The following SUGCT variants were observed in gnomAD, a reference collection of about 807,000 sequenced individuals.
The protein encoded by SUGCT is succinyl-CoA:glutarate-CoA transferase, also known as succinyl-CoA:glutarate CoA-transferase.
A neutral mutation model predicts 55.0 loss-of-function variants in SUGCT; 41 were observed. The ratio of observed to expected loss-of-function variants is 0.74; its 90% confidence interval spans 0.58 to 0.97. The LOEUF (loss-of-function observed/expected upper bound fraction) is 0.97, where lower values mean the gene tolerates loss of function less well. Among genes scored for constraint, SUGCT ranks in the 50% least tolerant of loss-of-function variants. The pLI, the probability that SUGCT is intolerant of heterozygous loss-of-function variation, is 0.00. For missense variants in SUGCT, 568 were observed against 547.8 expected (o/e 1.04, Z -0.37); for synonymous variants, 187 against 200.4 (o/e 0.93, Z 0.56).
At chr7:40,566,845 A>G (rs1005025805) in intron 12 of SUGCT, among the ~76,000 whole-genome samples, 1 of 152,178 alleles carries the variant, frequency 6.6e-6, no homozygotes, top group Non-Finnish European at 1.5e-5. Context: ...TCTATAGTTT[A>G]TTTTTAAAGA....
chr7:40,312,486 A>G (rs1242712681), intron 8 of SUGCT, among the ~76,000 whole-genome samples: 1 of 152,180 alleles, frequency 6.6e-6, no homozygotes. Flanking sequence ...TCCATCCCTG[A>G]AAAACCTGAT....
chr7:40,853,592 T>C (rs946042682), intron 13 of SUGCT, among the ~76,000 whole-genome samples: 1 of 152,158 alleles, frequency 6.6e-6, no homozygotes, highest in African/African-American at 2.4e-5. Flanking sequence ...CTCGAACTCC[T>C]GAGCTCAGGC....
At chr7:40,156,601 T>G (rs539109340) in intron 1 of SUGCT, among the ~76,000 whole-genome samples, 191 of 152,238 alleles carry the variant, frequency 1.3e-3, no homozygotes, top group African/African-American at 4.5e-3. Context: ...TTAACTACCC[T>G]CCTACCCCTT....
chr7:40,142,412 G>T (rs950977933), intron 1 of SUGCT, among the ~76,000 whole-genome samples: 2 of 152,066 alleles, frequency 1.3e-5, no homozygotes, highest in Non-Finnish European at 1.5e-5. Context: ...TGGCTTAGTT[G>T]TTCTACAGAT....
At chr7:40,747,342 G>A (rs1201729038) in intron 12 of SUGCT, among the ~76,000 whole-genome samples, 2 of 152,184 alleles carry the variant, frequency 1.3e-5, no homozygotes, top group Admixed American at 6.5e-5. Context: ...CCGTGAAGTT[G>A]TCTTATTGAT....
At chr7:41,009,208 TAAAA>T in the SUGCT span, among the ~76,000 whole-genome samples, 12 of 103,332 alleles carry the variant, frequency 1.2e-4, no homozygotes, top group Non-Finnish European at 1.7e-4. Context: ...TGTCTCTCTC[TAAAA>T]AAAAAAAAAA....
At chr7:40,537,742 A>G (rs2151609670) in intron 12 of SUGCT, among the ~76,000 whole-genome samples, 1 of 152,316 alleles carries the variant, frequency 6.6e-6, no homozygotes. Flanking sequence ...AGTTTTGTTT[A>G]ATACTTTCAG....
chr7:40,738,829 A>G (rs921360635), intron 12 of SUGCT, among the ~76,000 whole-genome samples: 5 of 152,228 alleles, frequency 3.3e-5, no homozygotes, highest in African/African-American at 1.2e-4. Context: ...AATAGATTCT[A>G]TAACTTGATA....
chr7:40,935,510 G>A, the SUGCT span, among the ~76,000 whole-genome samples: 1 of 152,004 alleles, frequency 6.6e-6, no homozygotes, highest in South Asian at 2.1e-4. Flanking sequence ...TACAATACAT[G>A]GCCTTTGTGT....
At chr7:40,928,593 T>G in the SUGCT span, among the ~76,000 whole-genome samples, 6 of 148,658 alleles carry the variant, frequency 4.0e-5, no homozygotes, top group Non-Finnish European at 7.4e-5. Flanking sequence ...TTGAGGACAG[T>G]AAAACTCTAA....
chr7:40,537,529 A>G (rs552350003), intron 12 of SUGCT, among the ~76,000 whole-genome samples: 1 of 152,210 alleles, frequency 6.6e-6, no homozygotes, highest in Non-Finnish European at 1.5e-5. Context: ...AAAAATGTAC[A>G]TTAGAATCTT....
intron 3 of SUGCT, among the ~76,000 whole-genome samples, chr7:40,185,887 A>C (rs1459937906): frequency 6.6e-6 from 1 of 152,032 alleles, no homozygotes; most frequent in Non-Finnish European, 1.5e-5. Flanking sequence ...AATACATTTT[A>C]ATATTCATAT....
At chr7:40,597,720 C>A (rs994650102) in intron 12 of SUGCT, among the ~76,000 whole-genome samples, 10 of 152,112 alleles carry the variant, frequency 6.6e-5, no homozygotes, top group African/African-American at 2.4e-4. Context: ...ACAGTGGCTT[C>A]TTTGTCAGCC....
intron 13 of SUGCT, among the ~76,000 whole-genome samples, chr7:40,792,089 T>C (rs749097626): frequency 1.3e-5 from 2 of 152,172 alleles, no homozygotes; most frequent in Non-Finnish European, 2.9e-5. Flanking sequence ...TTTGCAGTTA[T>C]AATGGAAGAA....
At chr7:40,765,407 A>G (rs1273073973) in intron 13 of SUGCT, among the ~76,000 whole-genome samples, 2 of 151,898 alleles carry the variant, frequency 1.3e-5, no homozygotes, top group African/African-American at 4.8e-5. Context: ...TTTACATTCA[A>G]ACTCCTTCCT....
chr7:40,995,339 G>A, the SUGCT span, among the ~76,000 whole-genome samples: 80 of 151,276 alleles, frequency 5.3e-4, no homozygotes, highest in African/African-American at 1.9e-3. Flanking sequence ...TTTTATCCCC[G>A]TTATCTCCTC....
chr7:40,736,764 AT>A (rs781531270), intron 12 of SUGCT, among the ~76,000 whole-genome samples: 38 of 152,280 alleles, frequency 2.5e-4, no homozygotes, highest in Non-Finnish European at 4.4e-4. Context: ...AAGAAAAAAA[AT>A]AAAGAAAAAA....
intron 2 of SUGCT, among the ~76,000 whole-genome samples, chr7:40,181,208 C>G (rs1044713610): frequency 2.6e-5 from 4 of 151,922 alleles, no homozygotes; most frequent in African/African-American, 9.7e-5. Flanking sequence ...TATATATAAT[C>G]TTAAAAAACA....
At chr7:40,837,733 C>A (rs1793062583) in intron 13 of SUGCT, among the ~76,000 whole-genome samples, 1 of 152,124 alleles carries the variant, frequency 6.6e-6, no homozygotes, top group Non-Finnish European at 1.5e-5. Flanking sequence ...CATGCCTCCT[C>A]CTCCCGAGTA....
Sources: gnomAD v4.1 joint callset for allele counts (sites outside exome capture counted in the v4.1 genomes callset) on GRCh38, gnomAD v4.1.1 for gene constraint, MANE v1.5 for transcripts, NCBI Gene and HGNC (gene_info 2026-07-23, HGNC 2026-07-21) for gene names.